The following F13A1 variants were observed in gnomAD, a reference collection of about 807,000 sequenced individuals.
F13A1 encodes the protein FSF, A subunit.
F13A1 carries 47 observed loss-of-function variants against 80.1 expected under a neutral mutation model. That is an observed-to-expected ratio of 0.59 (90% CI 0.46 to 0.75). The LOEUF (loss-of-function observed/expected upper bound fraction) is 0.75. F13A1 is among the 30% of genes least tolerant of loss of function. F13A1 has a pLI of 0.00. For missense variants in F13A1, 817 were observed against 930.4 expected (o/e 0.88, Z 1.59); for synonymous variants, 349 against 344.9 (o/e 1.01, Z -0.13).
At chr6:6,187,888 C>T (rs1209359967) in intron 10 of F13A1, among the ~76,000 whole-genome samples, 1 of 142,106 alleles carries the variant, frequency 7.0e-6, no homozygotes. Context: ...TTGATTATTG[C>T]CACAATTTCA....
At chr6:6,147,752 G>A (rs772794209) in intron 14 of F13A1, among the ~76,000 whole-genome samples, 1 of 152,192 alleles carries the variant, frequency 6.6e-6, no homozygotes, top group East Asian at 1.9e-4. Flanking sequence ...GCATAATGAT[G>A]TGTACATACG....
intron 6 of F13A1, among the ~76,000 whole-genome samples, chr6:6,233,795 T>C (rs1242060219): frequency 6.6e-6 from 1 of 152,096 alleles, no homozygotes; most frequent in Non-Finnish European, 1.5e-5. Context: ...TGGTTTAACA[T>C]ACACAAGTCA....
intron 10 of F13A1, among the ~76,000 whole-genome samples, chr6:6,193,620 T>C (rs572871403): frequency 1.3e-5 from 2 of 152,362 alleles, no homozygotes; most frequent in East Asian, 3.9e-4. Flanking sequence ...GGAGTAATTA[T>C]AATCTGCAAA....
intron 13 of F13A1, among the ~76,000 whole-genome samples, chr6:6,153,008 A>G (rs922919459): frequency 1.3e-5 from 2 of 152,252 alleles, no homozygotes; most frequent in African/African-American, 4.8e-5. Flanking sequence ...AATGCATTAC[A>G]GTTGATGCTT....
chr6:6,316,078 C>T (rs566166976), intron 2 of F13A1, among the ~76,000 whole-genome samples: 1,176 of 34,820 alleles, frequency 0.034, 26 homozygotes, highest in South Asian at 0.11. Flanking sequence ...TGTGTGTGTG[C>T]ATATATATAT....
At chr6:6,165,516 C>T (rs950451941) in intron 13 of F13A1, among the ~76,000 whole-genome samples, 1 of 152,108 alleles carries the variant, frequency 6.6e-6, no homozygotes, top group African/African-American at 2.4e-5. Context: ...AGGGACAGGC[C>T]GTCACTTCAT....
At position 6,145,541 on chromosome 6, in the gene F13A1, G is replaced by C; in HGVS notation, c.*78C>G. ...TCTTCACACCTAAGTCAAAGCAAGA[G>C]CTATTTTTGCGTTAGAATTTCCTTA... On this transcript the variant is annotated 3_prime_UTR_variant, in exon 15 of 15. Coordinates refer to ENST00000264870, the MANE Select transcript of F13A1 (RefSeq NM_000129.4). 9 of 1,586,090 alleles carry C rather than the reference G, an allele frequency of 5.7e-6. No homozygotes were observed. In the South Asian group the frequency reaches 1.0e-4, roughly 18 times the overall value.
At chr6:6,268,400 A>G (rs966816571) in intron 3 of F13A1, among the ~76,000 whole-genome samples, 1 of 152,214 alleles carries the variant, frequency 6.6e-6, no homozygotes, top group Non-Finnish European at 1.5e-5. Flanking sequence ...ACTAGCAAAT[A>G]GTGGAGTTCA....
chr6:6,292,848 T>C (rs1758242727), intron 3 of F13A1, among the ~76,000 whole-genome samples: 3 of 152,052 alleles, frequency 2.0e-5, no homozygotes, highest in Non-Finnish European at 1.5e-5. Context: ...TGACTGCGGG[T>C]CCACCAGCAC....
In F13A1 at chr6:6,144,177, T is replaced by C. The variant is rs1760234677; in HGVS notation, c.*1442A>G. 1 of 152,192 alleles carries C rather than the reference T, an allele frequency of 6.6e-6. No homozygotes were observed. 9.4% of individuals were successfully genotyped at this position (152,192 alleles called of 1,614,324 possible). A position where few individuals can be genotyped will look rare whatever the true frequency, so the allele number is the denominator to read the frequency against. ...CAGTTTAACTGTCTAGCAAAATGCA[T>C]TTCATTTTAAAATTGGATATTGGGA... On this transcript the variant is annotated 3_prime_UTR_variant, in exon 15 of 15. Coordinates refer to ENST00000264870, the MANE Select transcript of F13A1 (RefSeq NM_000129.4).
At chr6:6,244,535 A>G (rs1403721600) in intron 6 of F13A1, among the ~76,000 whole-genome samples, 3 of 152,226 alleles carry the variant, frequency 2.0e-5, no homozygotes, top group African/African-American at 4.8e-5. Flanking sequence ...GGAAACTCCA[A>G]TAGCCCCAGG....
chr6:6,260,273 G>A (rs185944673), intron 4 of F13A1, among the ~76,000 whole-genome samples: 91 of 152,298 alleles, frequency 6.0e-4, no homozygotes, highest in African/African-American at 2.1e-3. Flanking sequence ...ATGCAAAGCA[G>A]GCTGAAGGGC....
intron 10 of F13A1, among the ~76,000 whole-genome samples, chr6:6,195,591 C>T (rs573556245): frequency 2.0e-5 from 3 of 152,212 alleles, no homozygotes; most frequent in East Asian, 1.9e-4. Flanking sequence ...TAGGGAATCC[C>T]AAAACATCAA....
chr6:6,283,752 A>G (rs1314948087), intron 3 of F13A1, among the ~76,000 whole-genome samples: 2 of 152,120 alleles, frequency 1.3e-5, no homozygotes, highest in Admixed American at 6.5e-5. Context: ...TGGAGCACCA[A>G]TCTTGATTCT....
At position 6,308,367 on chromosome 6, in the gene F13A1, C is replaced by T. The variant is rs189369881; in HGVS notation, c.131-2828G>A. ...AGTTATTTCTAGAACTTTTATCCAA[C>T]GCTCTGTTTTGGAATATTTTCCACT... On this transcript the variant is annotated intron_variant, in intron 2 of 14. Coordinates refer to ENST00000264870, the MANE Select transcript of F13A1 (RefSeq NM_000129.4). Among the ~76,000 whole-genome samples the T allele has an allele frequency of 4.6e-5, 7 of 151,708 alleles. No homozygotes were observed. The East Asian group carries it at 7.8e-4, about 17-fold the overall frequency.
chr6:6,303,948 C>T (rs940496519), intron 3 of F13A1, among the ~76,000 whole-genome samples: 1 of 152,068 alleles, frequency 6.6e-6, no homozygotes, highest in Non-Finnish European at 1.5e-5. Context: ...TAATACAGTG[C>T]TTTTTTCCCT....
Position 6,300,341 on chromosome 6 carries a change from C to T in F13A1, c.319+5010G>A, listed in dbSNP as rs977264668. Among the ~76,000 whole-genome samples the T allele has an allele frequency of 2.8e-4, 42 of 151,090 alleles. 1 individual carries two copies. The highest frequency in any genetic ancestry group is 9.2e-4 in the Admixed American group (14 of 15,274). ...CAATGGCGGGCGCCCCTCCCCCAGC[C>T]TCTCTGCCGCCTTGCAGTTTGATCT... is the stretch of plus-strand genomic sequence containing the variant. On this transcript the variant is annotated intron_variant, in intron 3 of 14. Coordinates refer to ENST00000264870, the MANE Select transcript of F13A1 (RefSeq NM_000129.4).
intron 6 of F13A1, among the ~76,000 whole-genome samples, chr6:6,239,690 G>A (rs374042480): frequency 1.4e-5 from 2 of 148,142 alleles, no homozygotes; most frequent in East Asian, 1.9e-4. Flanking sequence ...TGACAATAAT[G>A]AGAGAAATAA....
intron 8 of F13A1, among the ~76,000 whole-genome samples, chr6:6,206,840 G>C (rs566365369): frequency 1.3e-5 from 2 of 150,158 alleles, no homozygotes; most frequent in Non-Finnish European, 3.0e-5. Context: ...GCAGATATAT[G>C]TCAGGAAGAC....
Sources: gnomAD v4.1 joint callset for allele counts (sites outside exome capture counted in the v4.1 genomes callset) on GRCh38, gnomAD v4.1.1 for gene constraint, MANE v1.5 for transcripts, NCBI Gene and HGNC (gene_info 2026-07-23, HGNC 2026-07-21) for gene names.